Variants in MRPL54 observed in about 807,000 individuals in gnomAD.
The protein encoded by MRPL54 is large ribosomal subunit protein mL54.
In MRPL54, 12 loss-of-function variants were observed where a neutral mutation model predicts 15.6. The ratio of observed to expected loss-of-function variants is 0.77; its 90% CI spans 0.49 to 1.24. The LOEUF is 1.24. Among genes scored for constraint, MRPL54 ranks in the 50% most tolerant of loss-of-function variants. The pLI, the probability that MRPL54 is intolerant of heterozygous loss-of-function variation, is 0.00. For synonymous variants in MRPL54, 91 were observed against 75.7 expected, an observed-to-expected ratio of 1.20 and a Z score of -1.05; for missense variants, 178 against 186.8, an observed-to-expected ratio of 0.95 and a Z score of 0.28.
chr19:3,765,269 C>A lies in MRPL54; in HGVS notation c.222C>A (p.Gly74=), dbSNP rs34107656. The change falls in exon 2 of 3, where the codon GGC becomes GGA. Residue 74 remains glycine, a synonymous_variant. Coordinates refer to ENST00000330133, the MANE Select transcript of MRPL54 (RefSeq NM_172251.3). The part of the protein sequence containing the change: ...DPVQLTTYAM[G]VNIYKEGQDV... ...TCCAGCTCACCACATATGCCATGGG[C>A]GTCAACATCTACAAGGAAGGGCAGG... is the stretch of plus-strand genomic sequence containing the variant. The A allele has an allele frequency of 5.6e-6, 9 of 1,613,826 alleles. No homozygotes were observed. In the African/African-American group the frequency reaches 1.2e-4, roughly 22 times the overall value.
intron 2 of MRPL54, among the ~76,000 whole-genome samples, chr19:3,765,800 A>C (rs546820834): frequency 4.0e-5 from 6 of 151,376 alleles, no homozygotes. Flanking sequence ...TGGGAGGCTG[A>C]GGCACGAGAA....
In MRPL54 at chr19:3,765,346, C is replaced by G; in HGVS notation, c.284+15C>G. On this transcript the variant is annotated intron_variant, in intron 2 of 2. Transcript: ENST00000330133. The stretch of plus-strand genomic sequence containing the variant: ...TACCCTGAATGGTGAGTAGGCCAGG[C>G]TGTGTCATCCTGCAATGACTATTCC... 1 of 1,611,726 alleles carries G rather than the reference C, an allele frequency of 6.2e-7. No individual in the cohort carries two copies. The highest frequency in any genetic ancestry group is 8.5e-7 in the Non-Finnish European group (1 of 1,179,018).
At chr19:3,763,548 G>A (rs2037171213) in intron 1 of MRPL54, among the ~76,000 whole-genome samples, 1 of 151,820 alleles carries the variant, frequency 6.6e-6, no homozygotes, top group Non-Finnish European at 1.5e-5. Context: ...GCCAAGGAGG[G>A]AGGATCGATT....
At chr19:3,765,365 C>T (rs1449621560) in intron 2 of MRPL54, 34 bp downstream of exon 2, 3 of 1,606,826 alleles carry the variant, frequency 1.9e-6, no homozygotes, top group Admixed American at 1.7e-5. Flanking sequence ...CCTGCAATGA[C>T]TATTCCTTCC....
chr19:3,762,726 C>A lies in MRPL54; in HGVS notation c.26C>A (p.Ala9Asp). Residue 9 changes from alanine (A) to aspartate (D), a missense_variant, in exon 1 of 3, where the codon GCT becomes GAT. Coordinates refer to ENST00000330133, the MANE Select transcript of MRPL54 (RefSeq NM_172251.3). The part of the protein sequence containing the change: MATKRLFG[A>D]TRTWAGWGAW... ...ATGGCGACCAAACGCCTTTTCGGGGCTACCCGGACGTGGGCCGGCTGGGGG... is the reference window on the plus strand; with the variant it reads ...ATGGCGACCAAACGCCTTTTCGGGGATACCCGGACGTGGGCCGGCTGGGGG... 1.2e-6 allele frequency: 2 copies of A among 1,611,860 alleles called. No individual in the cohort carries two copies. Among genetic ancestry groups the A allele is most frequent in the Non-Finnish European group, 1.7e-6 (2 of 1,179,172 alleles).
In MRPL54 at chr19:3,767,516, G is replaced by C; in HGVS notation, c.*123G>C. 7.3e-7 allele frequency: 1 copy of C among 1,367,896 alleles called. No homozygotes were observed. The highest frequency in any genetic ancestry group is 9.9e-7 in the Non-Finnish European group (1 of 1,011,426). 84.7% of individuals were successfully genotyped at this position (1,367,896 alleles called of 1,614,324 possible). A position where few individuals can be genotyped will look rare whatever the true frequency, so the allele number is the denominator to read the frequency against. ...GGTTTCCATGTGACCCCACAGTGGG[G>C]CTGGACCAGGGCCCTGGAGGCCAAT... On this transcript the variant is annotated 3_prime_UTR_variant, in exon 3 of 3. Transcript: ENST00000330133.
chr19:3,764,236 C>T (rs1305453347), intron 1 of MRPL54, among the ~76,000 whole-genome samples: 1 of 151,502 alleles, frequency 6.6e-6, no homozygotes, highest in Non-Finnish European at 1.5e-5. Context: ...GTGCCCACCA[C>T]CATGCCCGGC....
chr19:3,767,181 G>A (rs933776631), intron 2 of MRPL54, 80 bp from the exon 3 acceptor site: 11 of 1,518,120 alleles, frequency 7.2e-6, no homozygotes, highest in South Asian at 2.5e-5. Context: ...CCCCGTCGCC[G>A]CCTCTGCCCG....
In MRPL54 at chr19:3,765,242, T is replaced by C. The variant is rs1450970835; in HGVS notation, c.195T>C (p.Pro65=). The part of the protein sequence containing the change: ...ALKDPDVCTD[P]VQLTTYAMGV... ...AGGACCCCGACGTATGCACAGATCCTGTCCAGCTCACCACATATGCCATGG... is the reference window on the plus strand; with the variant it reads ...AGGACCCCGACGTATGCACAGATCCCGTCCAGCTCACCACATATGCCATGG... The change falls in exon 2 of 3, where the codon CCT becomes CCC. Residue 65 remains proline, a synonymous_variant. Transcript: ENST00000330133. 6.2e-7 allele frequency: 1 copy of C among 1,613,998 alleles called. No individual in the cohort carries two copies. Among genetic ancestry groups the C allele is most frequent in the East Asian group, 2.2e-5 (1 of 44,854 alleles).
At chr19:3,763,688 T>A (rs2037173293) in intron 1 of MRPL54, among the ~76,000 whole-genome samples, 1 of 151,056 alleles carries the variant, frequency 6.6e-6, no homozygotes. Context: ...CTGATGCAGG[T>A]GGATCACAAG....
rs757470927 is a variant in MRPL54, at chr19:3,767,416, A to AC, written c.*28dup. On this transcript the variant is annotated 3_prime_UTR_variant, in exon 3 of 3. Coordinates refer to ENST00000330133, the MANE Select transcript of MRPL54 (RefSeq NM_172251.3). Reference sequence around the variant, plus strand: ...TAGCATGGAGGGCCCGGCATCGCTGACCCCCACGCCGAGGGCTTGCCGTTT... The same window carrying AC: ...TAGCATGGAGGGCCCGGCATCGCTGACCCCCCACGCCGAGGGCTTGCCGTTT... 3.7e-6 allele frequency: 6 copies of AC among 1,601,418 alleles called. No homozygotes were observed. In the African/African-American group the frequency reaches 8.1e-5, roughly 22 times the overall value.
At chr19:3,764,087 T>A (rs1334550780) in intron 1 of MRPL54, among the ~76,000 whole-genome samples, 1 of 151,806 alleles carries the variant, frequency 6.6e-6, no homozygotes, top group African/African-American at 2.4e-5. Flanking sequence ...TTTTTTATTT[T>A]TTTATTTTCT....
At chr19:3,763,566 C>G (rs1042869484) in intron 1 of MRPL54, among the ~76,000 whole-genome samples, 15 of 151,848 alleles carry the variant, frequency 9.9e-5, no homozygotes, top group African/African-American at 3.6e-4. Context: ...ATTGCTTGAA[C>G]CCAGGAGTTC....
At position 3,765,340 on chromosome 19, in the gene MRPL54, G is replaced by A; in HGVS notation, c.284+9G>A. ...GCTGAGTACCCTGAATGGTGAGTAG[G>A]CCAGGCTGTGTCATCCTGCAATGAC... On this transcript the variant is annotated intron_variant, in intron 2 of 2. Transcript: ENST00000330133. The A allele has an allele frequency of 1.9e-6, 3 of 1,612,666 alleles. No individual in the cohort carries two copies. The highest frequency in any genetic ancestry group is 2.5e-6 in the Non-Finnish European group (3 of 1,179,398).
intron 2 of MRPL54, 111 bp downstream of exon 2, chr19:3,765,442 C>G: frequency 1.7e-6 from 2 of 1,197,256 alleles, no homozygotes; most frequent in Admixed American, 4.9e-5. Context: ...AATAGTCACA[C>G]CTACCCATCC....
At chr19:3,765,425 G>T (rs1206135075) in intron 2 of MRPL54, 94 bp downstream of exon 2, 1 of 1,414,098 alleles carries the variant, frequency 7.1e-7, no homozygotes, top group Admixed American at 2.1e-5. Flanking sequence ...CACTCCAGCC[G>T]GAGCCTAATA....
intron 1 of MRPL54, among the ~76,000 whole-genome samples, 187 bp downstream of exon 1, chr19:3,763,005 A>G (rs1375291618): frequency 1.3e-5 from 2 of 152,214 alleles, no homozygotes; most frequent in Non-Finnish European, 2.9e-5. Flanking sequence ...TCTGGCTCGG[A>G]GATACTGTAG....
chr19:3,767,280 G>A lies in MRPL54; in HGVS notation c.304G>A (p.Gly102Ser), dbSNP rs1404194732. Residue 102 changes from glycine (G) to serine (S), a missense_variant, in exon 3 of 3, where the codon GGT becomes AGT. By Grantham distance (56) the Gly-to-Ser change is moderately conservative. Transcript: ENST00000330133. Reference protein sequence around the residue: ...YPEWLFEMNLGPPKTLEELDP... With the variant: ...YPEWLFEMNLSPPKTLEELDP... ...CGTCAGGCTGTTCGAGATGAACTTG[G>A]GTCCCCCAAAGACCCTGGAGGAGCT... 1.2e-6 allele frequency: 2 copies of A among 1,612,592 alleles called. No homozygotes were observed. Among genetic ancestry groups the A allele is most frequent in the East Asian group, 2.2e-5 (1 of 44,580 alleles).
Position 3,765,274 on chromosome 19 carries a change from A to G in MRPL54, c.227A>G (p.Asn76Ser). Residue 76 changes from asparagine to serine, a missense_variant, in exon 2 of 3, where the codon AAC becomes AGC. By Grantham distance (46) the Asn-to-Ser change is conservative (BLOSUM62 1). Transcript: ENST00000330133. Reference sequence around the variant, plus strand: ...CTCACCACATATGCCATGGGCGTCAACATCTACAAGGAAGGGCAGGATGTA... The same window carrying G: ...CTCACCACATATGCCATGGGCGTCAGCATCTACAAGGAAGGGCAGGATGTA... Reference protein sequence around the residue: ...VQLTTYAMGVNIYKEGQDVPL... With the variant: ...VQLTTYAMGVSIYKEGQDVPL... The G allele has an allele frequency of 1.2e-6, 2 of 1,614,044 alleles. No homozygotes were observed. Among genetic ancestry groups the G allele is most frequent in the Non-Finnish European group, 8.5e-7 (1 of 1,179,968 alleles).
Sources: gnomAD v4.1 joint callset for allele counts (sites outside exome capture counted in the v4.1 genomes callset) on GRCh38, gnomAD v4.1.1 for gene constraint, MANE v1.5 for transcripts, NCBI Gene and HGNC (gene_info 2026-07-23, HGNC 2026-07-21) for gene names.